The following PRELID2 variants were observed in gnomAD, a reference collection of about 807,000 sequenced individuals.
PRELID2 encodes the protein PRELI domain containing 2.
Under a neutral mutation model 28.4 loss-of-function variants are expected in PRELID2, and 25 were observed. That is an observed-to-expected ratio of 0.88 (90% CI 0.64 to 1.23). The LOEUF is 1.23. Ranked by LOEUF, PRELID2 falls within the 50% of genes most tolerant of loss-of-function variation. PRELID2 has a pLI of 0.00. For missense variants in PRELID2, 201 were observed against 214.4 expected, an observed-to-expected ratio of 0.94 and a Z score of 0.39; for synonymous variants, 76 against 71.6, an observed-to-expected ratio of 1.06 and a Z score of -0.31.
chr5:145,782,642 A>G (rs886638291), intron 5 of PRELID2, among the ~76,000 whole-genome samples: 10 of 152,174 alleles, frequency 6.6e-5, no homozygotes, highest in African/African-American at 2.2e-4. Context: ...CAACCCTACC[A>G]CATGCTTACC....
chr5:145,775,939 A>G (rs1471167027), intron 5 of PRELID2, among the ~76,000 whole-genome samples: 1 of 152,244 alleles, frequency 6.6e-6, no homozygotes, highest in African/African-American at 2.4e-5. Flanking sequence ...AAAAAGCTAC[A>G]TACAGGAAAG....
chr5:145,653,124 T>G (rs934019981), intron 1 of PRELID2, among the ~76,000 whole-genome samples: 3 of 152,160 alleles, frequency 2.0e-5, no homozygotes, highest in African/African-American at 7.2e-5. Context: ...AAACAGACTT[T>G]AAACCAACAA....
the PRELID2 span, among the ~76,000 whole-genome samples, chr5:145,266,214 G>A: frequency 6.6e-6 from 1 of 152,014 alleles, no homozygotes; most frequent in African/African-American, 2.4e-5. Flanking sequence ...CTGCTACTTA[G>A]CTGTGTAGGG....
At chr5:145,549,427 G>A (rs915623504) in intron 1 of PRELID2, among the ~76,000 whole-genome samples, 13 of 152,108 alleles carry the variant, frequency 8.5e-5, no homozygotes, top group South Asian at 8.3e-4. Context: ...ACTACAGTTC[G>A]GAGGTGTTTA....
chr5:145,709,370 T>G (rs546751880), intron 1 of PRELID2, among the ~76,000 whole-genome samples: 4 of 152,194 alleles, frequency 2.6e-5, no homozygotes, highest in Non-Finnish European at 5.9e-5. Context: ...AAGGAATAGT[T>G]TTCTACTTGT....
the PRELID2 span, chr5:145,437,140 G>A: frequency 2.6e-5 from 4 of 152,278 alleles, no homozygotes; most frequent in East Asian, 1.9e-4. Context: ...CTGATAAACT[G>A]TCTCTGACTT....
the PRELID2 span, among the ~76,000 whole-genome samples, chr5:145,317,822 T>C: frequency 6.6e-6 from 1 of 152,226 alleles, no homozygotes; most frequent in East Asian, 1.9e-4. Flanking sequence ...CTGCTGGTGC[T>C]CATCTTTAGG....
the PRELID2 span, among the ~76,000 whole-genome samples, chr5:145,367,769 C>A: frequency 2.1e-4 from 32 of 152,010 alleles, no homozygotes; most frequent in East Asian, 5.8e-3. Flanking sequence ...TTCCCCATAT[C>A]TTTTCATGGC....
chr5:145,834,487 C>A (rs1400487790), intron 1 of PRELID2, among the ~76,000 whole-genome samples: 1 of 152,088 alleles, frequency 6.6e-6, no homozygotes, highest in Non-Finnish European at 1.5e-5. Context: ...CTTTAAAAAC[C>A]CACTTTCGAC....
intron 1 of PRELID2, among the ~76,000 whole-genome samples, chr5:145,718,244 T>C (rs1277617761): frequency 6.6e-6 from 1 of 151,884 alleles, no homozygotes; most frequent in African/African-American, 2.4e-5. Context: ...TGATATATGA[T>C]TGACCTACAA....
chr5:145,474,043 G>A (rs1561489977), intron 1 of PRELID2, among the ~76,000 whole-genome samples: 1 of 152,108 alleles, frequency 6.6e-6, no homozygotes. Flanking sequence ...TCCACTAAAG[G>A]AAAAACCAAT....
At chr5:145,484,655 G>A (rs1009276110) in intron 1 of PRELID2, among the ~76,000 whole-genome samples, 10 of 152,046 alleles carry the variant, frequency 6.6e-5, no homozygotes, top group African/African-American at 2.4e-4. Flanking sequence ...ACTTCTAAAA[G>A]CACCTGTCAC....
the PRELID2 span, among the ~76,000 whole-genome samples, chr5:145,349,267 T>A: frequency 6.6e-6 from 1 of 152,198 alleles, no homozygotes; most frequent in Non-Finnish European, 1.5e-5. Context: ...TAAGTAAATG[T>A]CTTCTAAAGA....
chr5:145,428,629 C>T, the PRELID2 span, among the ~76,000 whole-genome samples: 1 of 152,082 alleles, frequency 6.6e-6, no homozygotes, highest in Non-Finnish European at 1.5e-5. Context: ...CACATGTATA[C>T]ACATGTAACA....
At chr5:145,803,051 G>A (rs1331007792) in intron 4 of PRELID2, among the ~76,000 whole-genome samples, 1 of 152,090 alleles carries the variant, frequency 6.6e-6, no homozygotes, top group Non-Finnish European at 1.5e-5. Context: ...AAGTGTCTTT[G>A]AGGGGCAAAA....
chr5:145,376,857 T>G, the PRELID2 span, among the ~76,000 whole-genome samples: 14 of 152,256 alleles, frequency 9.2e-5, no homozygotes, highest in African/African-American at 3.4e-4. Flanking sequence ...TTTGTGGATT[T>G]TTTGAATGTT....
the PRELID2 span, among the ~76,000 whole-genome samples, chr5:145,413,064 C>T: frequency 2.0e-5 from 3 of 152,094 alleles, no homozygotes; most frequent in African/African-American, 7.2e-5. Flanking sequence ...TAGGTGGGGA[C>T]ATAGCCAAAC....
chr5:145,744,821 C>T (rs1164068752), intron 1 of PRELID2, among the ~76,000 whole-genome samples: 4 of 151,970 alleles, frequency 2.6e-5, no homozygotes, highest in Admixed American at 1.3e-4. Context: ...ATGATTGCAA[C>T]GTTTCTCCAG....
intron 4 of PRELID2, among the ~76,000 whole-genome samples, chr5:145,801,591 T>C (rs1016295704): frequency 6.6e-6 from 1 of 152,214 alleles, no homozygotes; most frequent in Non-Finnish European, 1.5e-5. Flanking sequence ...CTTCTGAGGT[T>C]GCTATGCTTT....
Sources: gnomAD v4.1 joint callset for allele counts (sites outside exome capture counted in the v4.1 genomes callset) on GRCh38, gnomAD v4.1.1 for gene constraint, MANE v1.5 for transcripts, NCBI Gene and HGNC (gene_info 2026-07-23, HGNC 2026-07-21) for gene names.